The following FOXP2 variants were observed in gnomAD, a reference collection of about 807,000 sequenced individuals.
FOXP2 encodes the protein forkhead box P2.
Under a neutral mutation model 115.8 loss-of-function variants are expected in FOXP2, and 12 were observed. The ratio of observed to expected loss-of-function variants is 0.10; its 90% CI spans 0.07 to 0.17. FOXP2 has a LOEUF of 0.17. Among genes scored for constraint, FOXP2 ranks in the 10% least tolerant of loss-of-function variants. The pLI, the probability that FOXP2 is intolerant of heterozygous loss-of-function variation, is 1.00. For synonymous variants in FOXP2, 328 were observed against 297.7 expected, an observed-to-expected ratio of 1.10 and a Z score of -1.05; for missense variants, 629 against 843.5, an observed-to-expected ratio of 0.75 and a Z score of 3.15.
Position 114,471,787 on chromosome 7 carries a change from T to C in FOXP2, c.168+45108T>C, listed in dbSNP as rs1342163238. ...CAACATGGTGAAACCCCATCTCCACTAAAAATACAAAAAAAAAAAAAAATT... is the reference window on the plus strand; with the variant it reads ...CAACATGGTGAAACCCCATCTCCACCAAAAATACAAAAAAAAAAAAAAATT... On this transcript the variant is annotated intron_variant, in intron 2 of 16. Coordinates refer to ENST00000350908, the MANE Select transcript of FOXP2 (RefSeq NM_014491.4). Among the ~76,000 whole-genome samples, 4 of 139,476 alleles carry C rather than the reference T, an allele frequency of 2.9e-5. No homozygotes were observed. In the East Asian group the frequency reaches 8.3e-4, roughly 29 times the overall value. 91.5% of individuals were successfully genotyped at this position (139,476 alleles called of 152,430 possible).
rs1192209213 is a variant in FOXP2 at position 114,642,481 on chromosome 7, G to A, written c.847G>A (p.Gly283Ser). The change falls in exon 7 of 17, where the codon GGC becomes AGC. Residue 283 changes from glycine to serine, a missense_variant. Physicochemically the swap from Gly to Ser is moderately conservative, Grantham distance 56 (BLOSUM62 0). Coordinates refer to ENST00000350908, the MANE Select transcript of FOXP2 (RefSeq NM_014491.4). ...VTGVHSMEDN[G>S]IKHGGLDLTT... ...TGGAGTTCACAGTATGGAAGACAAT[G>A]GCATTAAACATGGAGGGCTAGACCT... 10 of 1,613,766 alleles carry A rather than the reference G, an allele frequency of 6.2e-6. No homozygotes were observed. The highest frequency in any genetic ancestry group is 8.5e-6 in the Non-Finnish European group (10 of 1,179,918).
intron 11 of FOXP2, 79 bp downstream of exon 11, chr7:114,658,346 TC>T: frequency 7.2e-7 from 1 of 1,393,750 alleles, no homozygotes; most frequent in Non-Finnish European, 1.0e-6. Context: ...CATGAGCCAT[TC>T]CAGAGCACAT....
At chr7:114,551,169 C>T (rs186867429) in intron 3 of FOXP2, among the ~76,000 whole-genome samples, 2 of 152,270 alleles carry the variant, frequency 1.3e-5, no homozygotes, top group Admixed American at 1.3e-4. Context: ...ATTTGCAAAA[C>T]TGTTTTACAG....
At chr7:114,365,294 A>G (rs1489577251) in intron 2 of FOXP2, among the ~76,000 whole-genome samples, 1 of 152,140 alleles carries the variant, frequency 6.6e-6, no homozygotes, top group Non-Finnish European at 1.5e-5. Flanking sequence ...TTAATACAGC[A>G]GAACCCTATT....
intron 2 of FOXP2, among the ~76,000 whole-genome samples, chr7:114,375,873 T>A (rs1792126009): frequency 6.6e-6 from 1 of 152,206 alleles, no homozygotes; most frequent in South Asian, 2.1e-4. Context: ...AAACAAGATA[T>A]GGGGTCTGCC....
chr7:114,538,932 G>C (rs1411954333), intron 3 of FOXP2, among the ~76,000 whole-genome samples: 1 of 151,750 alleles, frequency 6.6e-6, no homozygotes, highest in African/African-American at 2.4e-5. Context: ...AGGAAGCTTT[G>C]TTTTGTTTCA....
At chr7:114,443,104 T>C (rs529625055) in intron 2 of FOXP2, among the ~76,000 whole-genome samples, 1 of 152,318 alleles carries the variant, frequency 6.6e-6, no homozygotes, top group East Asian at 1.9e-4. Flanking sequence ...GTGTGATCAT[T>C]AAAGGACATA....
intron 2 of FOXP2, among the ~76,000 whole-genome samples, chr7:114,492,028 A>C (rs1401316275): frequency 2.0e-5 from 3 of 152,162 alleles, no homozygotes; most frequent in African/African-American, 4.8e-5. Flanking sequence ...TCGGCTGTGA[A>C]TCCATCTGGT....
chr7:114,184,850 A>G (rs926117168), intron 1 of FOXP2, among the ~76,000 whole-genome samples: 1 of 152,158 alleles, frequency 6.6e-6, no homozygotes, highest in Non-Finnish European at 1.5e-5. Context: ...GACCTTAAAC[A>G]CATTTTACTA....
intron 3 of FOXP2, among the ~76,000 whole-genome samples, chr7:114,566,798 C>CA (rs1222012401): frequency 6.6e-6 from 1 of 151,920 alleles, no homozygotes; most frequent in East Asian, 1.9e-4. Context: ...AGGATCCTTT[C>CA]AACCAACCTC....
At chr7:114,688,784 T>C (rs1198040927) in intron 16 of FOXP2, among the ~76,000 whole-genome samples, 1 of 152,194 alleles carries the variant, frequency 6.6e-6, no homozygotes, top group Non-Finnish European at 1.5e-5. Context: ...AAGATATTCA[T>C]TAATTTAGAG....
At chr7:114,564,070 AACAT>A (rs752622258) in intron 3 of FOXP2, among the ~76,000 whole-genome samples, 262 of 148,724 alleles carry the variant, frequency 1.8e-3, no homozygotes, top group Non-Finnish European at 2.8e-3. Context: ...TCAAAAAACA[AACAT>A]ACAAACAAAC....
At chr7:114,545,623 G>C (rs748600536) in intron 3 of FOXP2, among the ~76,000 whole-genome samples, 1 of 152,110 alleles carries the variant, frequency 6.6e-6, no homozygotes, top group African/African-American at 2.4e-5. Flanking sequence ...TAGATTGATA[G>C]TTGTCTGCTG....
intron 2 of FOXP2, among the ~76,000 whole-genome samples, chr7:114,501,722 T>C (rs1797573462): frequency 6.6e-6 from 1 of 152,138 alleles, no homozygotes; most frequent in Non-Finnish European, 1.5e-5. Flanking sequence ...TAACTATATT[T>C]TCCAATATTT....
intron 1 of FOXP2, among the ~76,000 whole-genome samples, chr7:114,278,076 A>C (rs1584602139): frequency 6.6e-6 from 1 of 151,420 alleles, no homozygotes; most frequent in East Asian, 1.9e-4. Flanking sequence ...AGAATAAAGT[A>C]AGATACTAGA....
In FOXP2 at chr7:114,101,793, G is replaced by A. The variant is rs1422762766; in HGVS notation, c.-247+13955G>A. Among the ~76,000 whole-genome samples, 4 of 151,836 alleles carry A rather than the reference G, an allele frequency of 2.6e-5. No homozygotes were observed. In the East Asian group the frequency reaches 7.8e-4, roughly 29 times the overall value. ...CAAGCCTTGAAGCTGTAATCTATTG[G>A]TCATGTATACCTGGACTTATTTAAA... is the stretch of plus-strand genomic sequence containing the variant. On this transcript the variant is annotated intron_variant, in intron 1 of 19. Transcript: ENST00000635638.
chr7:114,579,546 C>CCAT (rs1373641460), intron 3 of FOXP2, among the ~76,000 whole-genome samples: 2 of 152,092 alleles, frequency 1.3e-5, no homozygotes, highest in Admixed American at 1.3e-4. Flanking sequence ...CTCAGACATA[C>CCAT]CATATTCCAT....
At chr7:114,508,873 A>G (rs1345606916) in intron 2 of FOXP2, among the ~76,000 whole-genome samples, 1 of 152,170 alleles carries the variant, frequency 6.6e-6, no homozygotes, top group East Asian at 1.9e-4. Context: ...AATATTAAGG[A>G]AGCAGTATTG....
At chr7:114,623,688 A>G (rs1234127079) in intron 3 of FOXP2, among the ~76,000 whole-genome samples, 1 of 151,970 alleles carries the variant, frequency 6.6e-6, no homozygotes, top group Non-Finnish European at 1.5e-5. Flanking sequence ...AGAGAAGGAC[A>G]AAGTTGGACA....
Sources: gnomAD v4.1 joint callset for allele counts (sites outside exome capture counted in the v4.1 genomes callset) on GRCh38, gnomAD v4.1.1 for gene constraint, MANE v1.5 for transcripts, NCBI Gene and HGNC (gene_info 2026-07-23, HGNC 2026-07-21) for gene names.